The following TSPAN3 variants were observed in gnomAD, a reference collection of about 807,000 sequenced individuals.
TSPAN3 encodes tetraspanin 3.
A neutral mutation model predicts 31.1 loss-of-function variants in TSPAN3; 9 were observed. That is an observed-to-expected ratio of 0.29 (90% CI 0.17 to 0.50). The LOEUF (loss-of-function observed/expected upper bound fraction) is 0.50. Among genes scored for constraint, TSPAN3 ranks in the 20% least tolerant of loss-of-function variants. TSPAN3 has a pLI of 0.98. For synonymous variants in TSPAN3, 129 were observed against 114.3 expected (o/e 1.13, Z -0.82); for missense variants, 252 against 313.5 (o/e 0.80, Z 1.48).
chr15:77,065,074 C>T (rs1289176358), intron 1 of TSPAN3, among the ~76,000 whole-genome samples: 3 of 152,194 alleles, frequency 2.0e-5, no homozygotes, highest in African/African-American at 4.8e-5. Context: ...CAGCCTACAG[C>T]CTGTTCCTTC....
intron 1 of TSPAN3, among the ~76,000 whole-genome samples, chr15:77,059,042 G>A (rs569867583): frequency 2.0e-5 from 3 of 152,138 alleles, no homozygotes; most frequent in African/African-American, 7.2e-5. Context: ...AAGTGGGGGG[G>A]AGTGGAGAAG....
chr15:77,046,477 G>A lies in TSPAN3; in HGVS notation c.*358C>T, dbSNP rs564603723. The A allele has an allele frequency of 4.8e-6, 2 of 416,024 alleles. No homozygotes were observed. Among genetic ancestry groups the A allele is most frequent in the Non-Finnish European group, 8.5e-6 (2 of 235,578 alleles). The allele number at this position is 416,024 out of a possible 1,614,324, so 25.8% of individuals were successfully genotyped here. Reference sequence around the variant, plus strand: ...TTGGCCAAGAGTTCTCCACTGTGAAGACTGAAAGGACCTGGTGACATTTCG... The same window carrying A: ...TTGGCCAAGAGTTCTCCACTGTGAAAACTGAAAGGACCTGGTGACATTTCG... On this transcript the variant is annotated 3_prime_UTR_variant, in exon 7 of 7. Transcript: ENST00000267970.
At position 77,054,285 on chromosome 15, in the gene TSPAN3, T is replaced by C. The variant is rs1295148567; in HGVS notation, c.331-6A>G. The C allele has an allele frequency of 6.2e-7, 1 of 1,605,320 alleles. No individual in the cohort carries two copies. Among genetic ancestry groups the C allele is most frequent in the African/African-American group, 1.3e-5 (1 of 74,888 alleles). ...CGATCAACCTCATTTTCCACCTGAA[T>C]CAGAACAAAGAATTCAGTCCCTCAA... On this transcript the variant is annotated splice_polypyrimidine_tract_variant and splice_region_variant and intron_variant, in intron 3 of 6. Coordinates refer to ENST00000267970, the MANE Select transcript of TSPAN3 (RefSeq NM_005724.6).
Position 77,070,965 on chromosome 15 carries a change from G to C in TSPAN3, c.-11C>G. The C allele has an allele frequency of 7.0e-7, 1 of 1,423,834 alleles. No individual in the cohort carries two copies. The highest frequency in any genetic ancestry group is 1.4e-5 in the South Asian group (1 of 70,752). 88.2% of individuals were successfully genotyped at this position (1,423,834 alleles called of 1,614,324 possible). A position where few individuals can be genotyped will look rare whatever the true frequency, so the allele number is the denominator to read the frequency against. ...GCCGCACTGGCCCATGGCGCCGGTG[G>C]CCCGCGAAGGCCCGGCCCGGAGAGC... On this transcript the variant is annotated 5_prime_UTR_variant, in exon 1 of 7. Transcript: ENST00000267970.
chr15:77,050,771 A>C (rs1246600687), intron 6 of TSPAN3, among the ~76,000 whole-genome samples: 1 of 152,244 alleles, frequency 6.6e-6, no homozygotes, highest in African/African-American at 2.4e-5. Context: ...CAAAATATGA[A>C]ATAAATCCCT....
intron 1 of TSPAN3, among the ~76,000 whole-genome samples, chr15:77,062,938 G>A (rs975202244): frequency 6.6e-6 from 1 of 152,180 alleles, no homozygotes; most frequent in Non-Finnish European, 1.5e-5. Flanking sequence ...GTTGATATTG[G>A]TTGTCTCTGG....
At chr15:77,060,993 A>G (rs2152697134) in intron 1 of TSPAN3, among the ~76,000 whole-genome samples, 1 of 152,340 alleles carries the variant, frequency 6.6e-6, no homozygotes, top group East Asian at 1.9e-4. Context: ...TAGGAGAGCC[A>G]GTGCTTTTCC....
At chr15:77,065,108 CA>C (rs2076824073) in intron 1 of TSPAN3, among the ~76,000 whole-genome samples, 1 of 152,210 alleles carries the variant, frequency 6.6e-6, no homozygotes, top group Non-Finnish European at 1.5e-5. Context: ...CCCAGTCTCC[CA>C]ATCTCTTCCA....
intron 1 of TSPAN3, among the ~76,000 whole-genome samples, chr15:77,068,584 G>C (rs2076847616): frequency 6.6e-6 from 1 of 152,138 alleles, no homozygotes. Flanking sequence ...ACAAGGAACT[G>C]TAAAGAGTAC....
rs1204795907 is a variant in TSPAN3, at chr15:77,043,003, C to A, written c.*3832G>T. On this transcript the variant is annotated 3_prime_UTR_variant, in exon 7 of 7. Coordinates refer to ENST00000267970, the MANE Select transcript of TSPAN3 (RefSeq NM_005724.6). ...CTTTACCCTTTGCCAGCCTGACCCA[C>A]AGTGGGCTCTGAAGGGGCTAACAAG... is the stretch of plus-strand genomic sequence containing the variant. 1 of 152,244 alleles carries A rather than the reference C, an allele frequency of 6.6e-6. No homozygotes were observed. The highest frequency in any genetic ancestry group is 1.5e-5 in the Non-Finnish European group (1 of 68,084). The allele number at this position is 152,244 out of a possible 1,614,324, so 9.4% of individuals were successfully genotyped here. A position where few individuals can be genotyped will look rare whatever the true frequency, so the allele number is the denominator to read the frequency against.
chr15:77,057,729 C>T (rs1004863424), intron 1 of TSPAN3, among the ~76,000 whole-genome samples: 11 of 152,128 alleles, frequency 7.2e-5, no homozygotes, highest in African/African-American at 2.2e-4. Context: ...TGTTAGTGAT[C>T]TCCAGGATTC....
In TSPAN3 at chr15:77,042,063, A is replaced by T. The variant is rs953723800; in HGVS notation, c.*4772T>A. The T allele has an allele frequency of 2.6e-5, 4 of 152,190 alleles. No individual in the cohort carries two copies. Among genetic ancestry groups the T allele is most frequent in the African/African-American group, 9.6e-5 (4 of 41,462 alleles). 9.4% of individuals were successfully genotyped at this position (152,190 alleles called of 1,614,324 possible). ...CAATGGAATGACAAATCCTACAGTT[A>T]GACATGGAAGGAGCATCAGACTATG... On this transcript the variant is annotated 3_prime_UTR_variant, in exon 7 of 7. Transcript: ENST00000267970.
chr15:77,063,063 C>T (rs1281507146), intron 1 of TSPAN3, among the ~76,000 whole-genome samples: 2 of 152,140 alleles, frequency 1.3e-5, no homozygotes, highest in African/African-American at 4.8e-5. Flanking sequence ...GAAATTGAGG[C>T]TTTAATGTTC....
At chr15:77,048,936 CTT>C (rs1343114072) in intron 6 of TSPAN3, among the ~76,000 whole-genome samples, 1 of 152,140 alleles carries the variant, frequency 6.6e-6, no homozygotes, top group African/African-American at 2.4e-5. Context: ...TAGAAACACT[CTT>C]TTCTGAGAAA....
chr15:77,054,153 A>T (rs368050463), intron 4 of TSPAN3, 25 bp downstream of exon 4: 1 of 1,578,484 alleles, frequency 6.3e-7, no homozygotes, highest in Non-Finnish European at 8.7e-7. Flanking sequence ...GTCCTCAAAA[A>T]CAAATCTGCC....
At chr15:77,052,585 A>C in intron 5 of TSPAN3, 117 bp from the exon 6 acceptor site, 1 of 1,174,658 alleles carries the variant, frequency 8.5e-7, no homozygotes, top group Non-Finnish European at 1.2e-6. Flanking sequence ...GAGTGGAAAA[A>C]AGATTCCATG....
At chr15:77,061,668 G>A (rs2076801567) in intron 1 of TSPAN3, among the ~76,000 whole-genome samples, 1 of 152,200 alleles carries the variant, frequency 6.6e-6, no homozygotes, top group African/African-American at 2.4e-5. Context: ...AAGTAGCTCT[G>A]TTGCCAAAAG....
chr15:77,068,690 G>A (rs114699986), intron 1 of TSPAN3, among the ~76,000 whole-genome samples: 2,921 of 152,186 alleles, frequency 0.019, 65 homozygotes, highest in African/African-American at 0.065. Flanking sequence ...AAAAAAGCCT[G>A]TAACTCTTAA....
intron 6 of TSPAN3, among the ~76,000 whole-genome samples, chr15:77,050,793 G>C (rs748519000): frequency 1.3e-5 from 2 of 152,204 alleles, no homozygotes; most frequent in Non-Finnish European, 2.9e-5. Context: ...CTGATCATCA[G>C]ATTACTGCTA....
Sources: gnomAD v4.1 joint callset for allele counts (sites outside exome capture counted in the v4.1 genomes callset) on GRCh38, gnomAD v4.1.1 for gene constraint, MANE v1.5 for transcripts, NCBI Gene and HGNC (gene_info 2026-07-23, HGNC 2026-07-21) for gene names.